Variants in DLG3 observed in about 807,000 individuals in gnomAD.
DLG3 encodes disks large homolog 3.
DLG3 carries 1 observed loss-of-function variant against 64.1 expected under a neutral mutation model. The ratio of observed to expected loss-of-function variants is 0.02; its 90% confidence interval spans 0.01 to 0.07. The LOEUF (loss-of-function observed/expected upper bound fraction) is 0.07, where lower values mean the gene tolerates loss of function less well. DLG3 is among the 10% of genes least tolerant of loss of function. DLG3 has a pLI of 1.00. For synonymous variants in DLG3, 245 were observed against 259.8 expected, an observed-to-expected ratio of 0.94 and a Z score of 0.55; for missense variants, 429 against 669.5, an observed-to-expected ratio of 0.64 and a Z score of 3.96.
intron 9 of DLG3, among the ~76,000 whole-genome samples, chrX:70,472,453 G>C (rs957800689): frequency 1.8e-5 from 2 of 111,644 alleles, no homozygotes; most frequent in Non-Finnish European, 3.8e-5. Flanking sequence ...TACTCCGGAT[G>C]CTGAGGCACA....
At chrX:70,455,622 G>A (rs2086692910) in intron 9 of DLG3, 1 of 110,739 alleles carries the variant, frequency 9.0e-6, no homozygotes, top group Admixed American at 9.5e-5. Flanking sequence ...TGCCCTAGAG[G>A]AATTTTCTAA....
At chrX:70,486,499 C>G (rs2087256188) in intron 10 of DLG3, among the ~76,000 whole-genome samples, 1 of 112,086 alleles carries the variant, frequency 8.9e-6, no homozygotes, top group Admixed American at 9.4e-5. Context: ...TCTACTCTCC[C>G]AACACATTAT....
chrX:70,477,976 T>C (rs1043897711), intron 9 of DLG3, among the ~76,000 whole-genome samples: 1 of 111,655 alleles, frequency 9.0e-6, no homozygotes, highest in Non-Finnish European at 1.9e-5. Flanking sequence ...CAGCCCTCTA[T>C]GGTGCACGAA....
intron 9 of DLG3, among the ~76,000 whole-genome samples, chrX:70,477,839 A>C (rs1040617193): frequency 8.9e-6 from 1 of 111,774 alleles, no homozygotes; most frequent in African/African-American, 3.3e-5. Flanking sequence ...GGCTTTAGCA[A>C]TTCCCCTTAC....
intron 18 of DLG3, 76 bp downstream of exon 18, chrX:70,501,065 T>A (rs1863657585): frequency 8.7e-6 from 7 of 809,089 alleles, no homozygotes; most frequent in Non-Finnish European, 1.1e-5. Flanking sequence ...CTCAAAGAGG[T>A]GTAGACAGAA....
chrX:70,465,683 C>T (rs1328270300), intron 9 of DLG3, among the ~76,000 whole-genome samples: 1 of 111,654 alleles, frequency 9.0e-6, no homozygotes, highest in Non-Finnish European at 1.9e-5. Flanking sequence ...ATTTATATTA[C>T]ATATATCATA....
Position 70,498,416 on chromosome X carries a change from G to A in DLG3, c.1820-104G>A. 4 of 801,419 alleles carry A rather than the reference G, an allele frequency of 5.0e-6. No individual in the cohort carries two copies. The South Asian group carries it at 8.8e-5, about 18-fold the overall frequency. The allele number at this position is 801,419 out of a possible 1,213,427, so 66.0% of individuals were successfully genotyped here. A position where few individuals can be genotyped will look rare whatever the true frequency, so the allele number is the denominator to read the frequency against. On this transcript the variant is annotated intron_variant, in intron 13 of 18. Transcript: ENST00000374360. ...AGAAAGGATCACAGGTGGTGGCAAG[G>A]ACCACCTGATAAGGCTGTGTCCTGG... is the stretch of plus-strand genomic sequence containing the variant.
chrX:70,495,376 C>A, intron 12 of DLG3, 32 bp from the exon 13 acceptor site: 1 of 1,203,540 alleles, frequency 8.3e-7, no homozygotes, highest in African/African-American at 1.7e-5. Context: ...TCCCCGTCGT[C>A]CTCTCTCCGC....
rs889541668 is a variant in DLG3 at position 70,499,410 on chromosome X, A to G, written c.1972+133A>G. 4 of 532,409 alleles carry G rather than the reference A, an allele frequency of 7.5e-6. No individual in the cohort carries two copies. The Admixed American group carries it at 1.1e-4, about 14-fold the overall frequency. The allele number at this position is 532,409 out of a possible 1,213,427, so 43.9% of individuals were successfully genotyped here. ...CAGGGTACATTTGACACGCTGGAAA[A>G]CAGTAGGTGGCAATATATTCCCCAA... On this transcript the variant is annotated intron_variant, in intron 15 of 18. Transcript: ENST00000374360.
intron 1 of DLG3, among the ~76,000 whole-genome samples, chrX:70,445,905 G>A (rs1227873887): frequency 3.1e-5 from 3 of 96,840 alleles, no homozygotes; most frequent in Non-Finnish European, 6.3e-5. Context: ...GCTGTGTGTG[G>A]TGTGTGTCTC....
Position 70,499,277 on chromosome X carries a change from C to A in DLG3, c.1972C>A (p.His658Asn). The A allele has an allele frequency of 8.4e-7, 1 of 1,187,105 alleles. No individual in the cohort carries two copies. ...FPHKFGSCVP[H>N]TTRPRRDNEV... ...ACATAAATTTGGATCCTGTGTGCCA[C>A]GTAAGAGTCCAGGAAGGCCCAGAGG... The change falls in exon 15 of 19, where the codon CAT becomes AAT. Residue 658 changes from histidine (H) to asparagine (N), a missense_variant and splice_region_variant. His to Asn is a moderately conservative substitution (Grantham distance 68). Transcript: ENST00000374360.
chrX:70,482,660 G>GTTTTTTTTTTTTTTTTTTTTTTTT (rs200729766), intron 10 of DLG3, among the ~76,000 whole-genome samples: 1 of 69,250 alleles, frequency 1.4e-5, no homozygotes, highest in African/African-American at 6.2e-5. Flanking sequence ...TACATGTGTG[G>GTTTTTTTTTTTTTTTTTTTTTTTT]TGTTTTTTTT....
intron 9 of DLG3, chrX:70,455,259 G>T: frequency 2.7e-6 from 2 of 754,589 alleles, no homozygotes; most frequent in Non-Finnish European, 3.1e-6. Context: ...CCGACCCGGC[G>T]CCAGGTGAGG....
chrX:70,455,117 C>A, intron 9 of DLG3: 10 of 719,916 alleles, frequency 1.4e-5, no homozygotes, highest in Non-Finnish European at 1.6e-5. Flanking sequence ...CCTCAGGCGT[C>A]TCCTCCTCCT....
In DLG3 at chrX:70,453,485, G is replaced by A. The variant is rs149679554; in HGVS notation, c.1146-152G>A. 3.1e-4 allele frequency: 267 copies of A among 850,892 alleles called. No individual in the cohort carries two copies. In the African/African-American group the frequency reaches 5.1e-3, roughly 16 times the overall value. 70.1% of individuals were successfully genotyped at this position (850,892 alleles called of 1,213,427 possible). A position where few individuals can be genotyped will look rare whatever the true frequency, so the allele number is the denominator to read the frequency against. On this transcript the variant is annotated intron_variant, in intron 7 of 18. Coordinates refer to ENST00000374360, the MANE Select transcript of DLG3 (RefSeq NM_021120.4). ...ACCTGACAGAACAGCAGCCAAGCAG[G>A]TTTCAGGAGACAAAGGGAGGCTCAG...
At chrX:70,475,188 C>CA (rs199610190) in intron 9 of DLG3, among the ~76,000 whole-genome samples, 42 of 107,309 alleles carry the variant, frequency 3.9e-4, no homozygotes, top group Non-Finnish European at 5.2e-4. Context: ...ATATAAAAAA[C>CA]AAAAAAAAAC....
chrX:70,493,809 A>C (rs112028023), intron 12 of DLG3, among the ~76,000 whole-genome samples: 31 of 112,660 alleles, frequency 2.8e-4, no homozygotes, highest in African/African-American at 8.0e-4. Context: ...TTTTAGCTAG[A>C]CTGTCAGGGT....
chrX:70,490,060 G>A (rs1297501822), intron 10 of DLG3, among the ~76,000 whole-genome samples: 1 of 110,174 alleles, frequency 9.1e-6, no homozygotes, highest in African/African-American at 3.3e-5. Flanking sequence ...ACGGGGTTTT[G>A]CCATGTTGGC....
chrX:70,470,103 C>T (rs1376937830), intron 9 of DLG3, among the ~76,000 whole-genome samples: 1 of 112,394 alleles, frequency 8.9e-6, no homozygotes, highest in Non-Finnish European at 1.9e-5. Flanking sequence ...TGTGGGAACT[C>T]AAGGTCAAGA....
Sources: gnomAD v4.1 joint callset for allele counts (sites outside exome capture counted in the v4.1 genomes callset) on GRCh38, gnomAD v4.1.1 for gene constraint, MANE v1.5 for transcripts, NCBI Gene and HGNC (gene_info 2026-07-23, HGNC 2026-07-21) for gene names.